The following SLIT3 variants were observed in gnomAD, a reference collection of about 807,000 sequenced individuals.
The protein encoded by SLIT3 is slit homolog 3 protein.
A neutral mutation model predicts 184.0 loss-of-function variants in SLIT3; 68 were observed. That is an observed-to-expected ratio of 0.37 (90% CI 0.30 to 0.45). The LOEUF (loss-of-function observed/expected upper bound fraction) is 0.45. SLIT3 is among the 20% of genes least tolerant of loss of function. SLIT3 has a pLI of 1.00. For missense variants in SLIT3, 1,707 were observed against 2,026.0 expected, an observed-to-expected ratio of 0.84 and a Z score of 3.02; for synonymous variants, 831 against 828.6, an observed-to-expected ratio of 1.00 and a Z score of -0.05.
At chr5:169,220,515 G>T (rs1180998335) in intron 3 of SLIT3, among the ~76,000 whole-genome samples, 1 of 151,900 alleles carries the variant, frequency 6.6e-6, no homozygotes, top group East Asian at 1.9e-4. Flanking sequence ...GGCTCTGATT[G>T]GTATATGAGA....
chr5:168,698,141 A>G (rs146670883), intron 27 of SLIT3, among the ~76,000 whole-genome samples: 3 of 152,194 alleles, frequency 2.0e-5, no homozygotes, highest in African/African-American at 7.2e-5. Flanking sequence ...TGAGCAGGCA[A>G]TGCAGCAAGA....
intron 11 of SLIT3, among the ~76,000 whole-genome samples, chr5:168,788,154 G>A (rs1156745637): frequency 1.3e-5 from 2 of 152,186 alleles, no homozygotes; most frequent in Non-Finnish European, 2.9e-5. Flanking sequence ...CCAGACAAGG[G>A]AAGAGAGAGG....
chr5:169,193,327 G>T, intron 4 of SLIT3, 152 bp downstream of exon 4: 2 of 682,212 alleles, frequency 2.9e-6, no homozygotes, highest in Non-Finnish European at 5.4e-6. Flanking sequence ...TGTTTGTTGG[G>T]GGTAGACGTC....
chr5:168,897,557 C>A (rs1760711691), intron 4 of SLIT3, among the ~76,000 whole-genome samples: 3 of 151,620 alleles, frequency 2.0e-5, no homozygotes, highest in African/African-American at 7.3e-5. Context: ...CAGAGACAGT[C>A]ATTTCACAGA....
At chr5:169,155,299 G>T (rs1053020781) in intron 4 of SLIT3, among the ~76,000 whole-genome samples, 1 of 152,198 alleles carries the variant, frequency 6.6e-6, no homozygotes, top group Non-Finnish European at 1.5e-5. Context: ...AAGCAAGACT[G>T]TTCCAACCAC....
chr5:169,131,425 G>C, intron 4 of SLIT3, among the ~76,000 whole-genome samples: 1 of 152,154 alleles, frequency 6.6e-6, no homozygotes, highest in East Asian at 1.9e-4. Flanking sequence ...AACAAGTACT[G>C]CCGGTTATTC....
intron 3 of SLIT3, among the ~76,000 whole-genome samples, chr5:169,197,100 G>T (rs1763765596): frequency 6.6e-6 from 1 of 152,160 alleles, no homozygotes. Flanking sequence ...TGGCTCCAAG[G>T]CTCCTGGAAG....
At chr5:169,017,320 C>T (rs912776787) in intron 4 of SLIT3, among the ~76,000 whole-genome samples, 1 of 152,202 alleles carries the variant, frequency 6.6e-6, no homozygotes, top group Admixed American at 6.5e-5. Context: ...TCTGGACTCT[C>T]CTGGGACATC....
At chr5:168,763,547 G>A (rs1755232057) in intron 14 of SLIT3, among the ~76,000 whole-genome samples, 2 of 152,176 alleles carry the variant, frequency 1.3e-5, no homozygotes, top group African/African-American at 4.8e-5. Flanking sequence ...AGTTGGAGCT[G>A]AGATTTGCTT....
intron 4 of SLIT3, among the ~76,000 whole-genome samples, chr5:169,167,128 C>T (rs1017522568): frequency 1.3e-5 from 2 of 151,954 alleles, no homozygotes; most frequent in African/African-American, 2.4e-5. Context: ...TATGGTTGTG[C>T]CACTGCACTC....
intron 4 of SLIT3, among the ~76,000 whole-genome samples, chr5:169,079,306 T>C (rs184998867): frequency 6.6e-6 from 1 of 152,278 alleles, no homozygotes; most frequent in African/African-American, 2.4e-5. Context: ...AGCTCTCTTT[T>C]GTTTTCAGAT....
At chr5:169,038,324 A>G (rs1456310227) in intron 4 of SLIT3, among the ~76,000 whole-genome samples, 7 of 152,240 alleles carry the variant, frequency 4.6e-5, no homozygotes, top group Non-Finnish European at 1.0e-4. Flanking sequence ...TGCTGATTGA[A>G]TATGTGTATG....
chr5:168,764,020 C>T (rs376068339), intron 14 of SLIT3, among the ~76,000 whole-genome samples: 3 of 152,190 alleles, frequency 2.0e-5, no homozygotes, highest in East Asian at 1.9e-4. Context: ...AGCACAGGCT[C>T]GTTCAGGCCT....
intron 5 of SLIT3, among the ~76,000 whole-genome samples, chr5:168,867,760 C>T (rs2113760209): frequency 6.6e-6 from 1 of 152,308 alleles, no homozygotes; most frequent in South Asian, 2.1e-4. Flanking sequence ...TTTTCAAGGC[C>T]TTGGCAGGCA....
At chr5:169,277,870 A>G (rs528572650) in intron 1 of SLIT3, among the ~76,000 whole-genome samples, 1 of 152,314 alleles carries the variant, frequency 6.6e-6, no homozygotes, top group South Asian at 2.1e-4. Flanking sequence ...TTTACGTTTC[A>G]CCAGCAATGT....
At chr5:169,229,781 C>G (rs1386018915) in intron 3 of SLIT3, among the ~76,000 whole-genome samples, 1 of 152,060 alleles carries the variant, frequency 6.6e-6, no homozygotes, top group South Asian at 2.1e-4. Context: ...TAGGTAATCT[C>G]ATAAGAGCCT....
chr5:169,248,630 A>AT (rs1426649215), intron 2 of SLIT3, among the ~76,000 whole-genome samples: 7 of 152,070 alleles, frequency 4.6e-5, no homozygotes, highest in Non-Finnish European at 7.4e-5. Context: ...TGGCATTGTT[A>AT]TTTTTTTAGC....
chr5:169,285,741 A>G (rs10866633), intron 1 of SLIT3, among the ~76,000 whole-genome samples: 120,083 of 152,124 alleles, frequency 0.79, 47,635 homozygotes, highest in African/African-American at 0.87. Context: ...ACATGTGTAG[A>G]CACCCTGCTC....
At chr5:168,882,314 G>C (rs531296413) in intron 5 of SLIT3, among the ~76,000 whole-genome samples, 1 of 152,308 alleles carries the variant, frequency 6.6e-6, no homozygotes, top group South Asian at 2.1e-4. Flanking sequence ...TGGGCACAAA[G>C]GTTTAGGCAG....
Sources: allele counts gnomAD v4.1 joint callset (sites outside exome capture counted in the v4.1 genomes callset), GRCh38; gene constraint gnomAD v4.1.1; transcripts MANE v1.5; gene names NCBI Gene and HGNC (gene_info 2026-07-23, HGNC 2026-07-21).